DYNC1H1: variants seen among roughly 807,000 people sequenced by gnomAD.
DYNC1H1 encodes the protein cytoplasmic dynein 1 heavy chain 1.
In DYNC1H1, 51 loss-of-function variants were observed where a neutral mutation model predicts 527.1. That is an observed-to-expected ratio of 0.10 (90% CI 0.08 to 0.12). DYNC1H1 has a LOEUF of 0.12. Ranked by LOEUF, DYNC1H1 falls within the 10% of genes least tolerant of loss-of-function variation. The pLI, the probability that DYNC1H1 is intolerant of heterozygous loss-of-function variation, is 1.00. For synonymous variants in DYNC1H1, 2,189 were observed against 2,278.8 expected, an observed-to-expected ratio of 0.96 and a Z score of 1.12; for missense variants, 2,771 against 5,971.8, an observed-to-expected ratio of 0.46 and a Z score of 17.66.
In DYNC1H1 at chr14:102,048,003, T is replaced by G; in HGVS notation, c.13193T>G (p.Leu4398Arg). The G allele has an allele frequency of 6.2e-7, 1 of 1,611,850 alleles. No homozygotes were observed. Among genetic ancestry groups the G allele is most frequent in the Non-Finnish European group, 8.5e-7 (1 of 1,179,906 alleles). Residue 4398 changes from leucine (L) to arginine (R), a missense_variant, in exon 73 of 78, where the codon CTC becomes CGC. Physicochemically the swap from Leu to Arg is moderately radical, Grantham distance 102 (BLOSUM62 -2). Transcript: ENST00000360184. The stretch of plus-strand genomic sequence containing the variant: ...CTCATCCCCCAGACGCTGAGCCACC[T>G]CAAGCGCACCGTGGAGAATATCAAG... ...LHLIPQTLSH[L>R]KRTVENIKDP...
At chr14:102,034,924 TCA>T in intron 56 of DYNC1H1, 1 of 167,210 alleles carries the variant, frequency 6.0e-6, no homozygotes, top group South Asian at 8.4e-5. Context: ...AGAATCCATC[TCA>T]AAAAAAAAAA....
chr14:102,006,986 T>A (rs753578293), intron 27 of DYNC1H1, 22 bp from the exon 28 acceptor site: 1 of 1,610,176 alleles, frequency 6.2e-7, no homozygotes, highest in Non-Finnish European at 8.5e-7. Context: ...ACTCAAGCAC[T>A]CTGTTGCTTT....
rs769975935 is a variant in DYNC1H1, at chr14:101,997,387, C to T, written c.3804+113C>T. ...TGACTGAGCTTTCTAGTATTGAAGA[C>T]TCTTTTCCTTTTTGTAGTTAAAAAA... On this transcript the variant is annotated intron_variant, in intron 16 of 77. Coordinates refer to ENST00000360184, the MANE Select transcript of DYNC1H1 (RefSeq NM_001376.5). The surrounding 1 kb of genome is among the most constrained non-coding windows in gnomAD (Gnocchi z 4.8). The T allele has an allele frequency of 6.5e-7, 1 of 1,543,564 alleles. No individual in the cohort carries two copies. Among genetic ancestry groups the T allele is most frequent in the Non-Finnish European group, 8.8e-7 (1 of 1,140,174 alleles).
intron 4 of DYNC1H1, among the ~76,000 whole-genome samples, 185 bp downstream of exon 4, chr14:101,980,159 G>A (rs1282398804): frequency 6.6e-6 from 1 of 152,192 alleles, no homozygotes; most frequent in Non-Finnish European, 1.5e-5. Context: ...GGGACAGTGT[G>A]AGATTGCTTG....
intron 5 of DYNC1H1, among the ~76,000 whole-genome samples, chr14:101,981,610 C>A (rs544124574): frequency 6.6e-6 from 1 of 152,040 alleles, no homozygotes; most frequent in Non-Finnish European, 1.5e-5. Context: ...TCACTTCCCC[C>A]AAAAAACGTA....
chr14:102,000,191 A>G, intron 17 of DYNC1H1, 47 bp downstream of exon 17: 2 of 1,613,914 alleles, frequency 1.2e-6, no homozygotes, highest in Non-Finnish European at 1.7e-6. Context: ...CCCCACCCGG[A>G]CTCTGCCATT....
rs938461740 is a variant in DYNC1H1, at chr14:102,038,240, A to G, written c.10909-220A>G. The G allele has an allele frequency of 6.8e-5, 46 of 672,056 alleles. No individual in the cohort carries two copies. The highest frequency in any genetic ancestry group is 1.1e-4 in the Non-Finnish European group (42 of 397,360). The allele number at this position is 672,056 out of a possible 1,614,324, so 41.6% of individuals were successfully genotyped here. A position where few individuals can be genotyped will look rare whatever the true frequency, so the allele number is the denominator to read the frequency against. On this transcript the variant is annotated intron_variant, in intron 57 of 77. Transcript: ENST00000360184. The surrounding 1 kb of genome is among the most constrained non-coding windows in gnomAD (Gnocchi z 7.2). ...GTGATCTGCCTGCCTCAGCCTCCCA[A>G]AGTGCTGGAATTACAGGCGTGAGCC...
intron 72 of DYNC1H1, chr14:102,045,170 G>T: frequency 4.5e-6 from 1 of 224,678 alleles, no homozygotes; most frequent in Non-Finnish European, 9.0e-6. Flanking sequence ...GAGCATGGTG[G>T]CAGGCACCTG....
rs759214557 is a variant in DYNC1H1 at position 102,044,515 on chromosome 14, G to A, written c.12902+24G>A. On this transcript the variant is annotated intron_variant, in intron 71 of 77. Transcript: ENST00000360184. The surrounding 1 kb of genome is among the most constrained non-coding windows in gnomAD (Gnocchi z 7.1). ...AGGTATGCTGCTGCCTGCTGGAATG[G>A]AGACAGTTGTGATGTCAGGGCGTCT... is the stretch of plus-strand genomic sequence containing the variant. 1.2e-6 allele frequency: 2 copies of A among 1,614,158 alleles called. No individual in the cohort carries two copies. Among genetic ancestry groups the A allele is most frequent in the South Asian group, 2.2e-5 (2 of 91,070 alleles).
chr14:102,027,110 A>G lies in DYNC1H1; in HGVS notation c.8772-64A>G. 2 of 1,514,290 alleles carry G rather than the reference A, an allele frequency of 1.3e-6. No homozygotes were observed. The highest frequency in any genetic ancestry group is 1.1e-5 in the South Asian group (1 of 89,024). The allele number at this position is 1,514,290 out of a possible 1,614,324, so 93.8% of individuals were successfully genotyped here. A position where few individuals can be genotyped will look rare whatever the true frequency, so the allele number is the denominator to read the frequency against. On this transcript the variant is annotated intron_variant, in intron 44 of 77. Coordinates refer to ENST00000360184, the MANE Select transcript of DYNC1H1 (RefSeq NM_001376.5). This position sits in a 1 kb window ranked among gnomAD's most constrained non-coding sequence, Gnocchi z 7.7. ...GTCCAAAATACTGTAGACACTAGAT[A>G]TGAGTCAAAAGGGGAATGAGGCATT...
In DYNC1H1 at chr14:102,010,125, A is replaced by G. The variant is rs747824947; in HGVS notation, c.6221+39A>G. 2.5e-6 allele frequency: 4 copies of G among 1,613,232 alleles called. No homozygotes were observed. Among genetic ancestry groups the G allele is most frequent in the African/African-American group, 1.3e-5 (1 of 74,952 alleles). On this transcript the variant is annotated intron_variant, in intron 30 of 77. Coordinates refer to ENST00000360184, the MANE Select transcript of DYNC1H1 (RefSeq NM_001376.5). The surrounding 1 kb of genome is among the most constrained non-coding windows in gnomAD (Gnocchi z 6.0). ...AATTCTTCATAATCATGTTTCTTGCATATGTTAAATGTGTCCATTTAACCT... is the reference window on the plus strand; with the variant it reads ...AATTCTTCATAATCATGTTTCTTGCGTATGTTAAATGTGTCCATTTAACCT...
Position 102,033,877 on chromosome 14 carries a change from C to T in DYNC1H1, c.10414-99C>T. ...CAACTTGGGCACGTTTCTAACCCAC[C>T]CAAAACCCTGCACATAATGTGGATG... On this transcript the variant is annotated intron_variant, in intron 54 of 77. Transcript: ENST00000360184. The surrounding 1 kb of genome is among the most constrained non-coding windows in gnomAD (Gnocchi z 5.6). The T allele has an allele frequency of 7.2e-7, 1 of 1,392,268 alleles. No homozygotes were observed. The highest frequency in any genetic ancestry group is 1.9e-4 in the Middle Eastern group (1 of 5,148). 86.2% of individuals were successfully genotyped at this position (1,392,268 alleles called of 1,614,324 possible).
chr14:102,021,656 C>CTTTTTTTTTTTTTT (rs757880988), intron 42 of DYNC1H1, among the ~76,000 whole-genome samples: 31 of 119,824 alleles, frequency 2.6e-4, no homozygotes, highest in South Asian at 5.7e-4. Context: ...TTTTCTTTTT[C>CTTTTTTTTTTTTTT]TTTTTTTTTT....
intron 69 of DYNC1H1, 21 bp from the exon 70 acceptor site, chr14:102,043,854 C>T (rs946656162): frequency 1.6e-5 from 26 of 1,614,170 alleles, no homozygotes; most frequent in East Asian, 2.2e-5. Flanking sequence ...TGACTCTGTG[C>T]TTGGTCACTT....
At position 102,033,752 on chromosome 14, in the gene DYNC1H1, G is replaced by C; in HGVS notation, c.10414-224G>C. The C allele has an allele frequency of 1.5e-6, 1 of 680,524 alleles. No individual in the cohort carries two copies. Among genetic ancestry groups the C allele is most frequent in the Non-Finnish European group, 2.5e-6 (1 of 398,720 alleles). 42.2% of individuals were successfully genotyped at this position (680,524 alleles called of 1,614,324 possible). ...AGACCTGTTTGCTCTGCTGCCTGAG[G>C]GCCTCGCTCCGTACCCAGCTTCTGC... On this transcript the variant is annotated intron_variant, in intron 54 of 77. Coordinates refer to ENST00000360184, the MANE Select transcript of DYNC1H1 (RefSeq NM_001376.5). The surrounding 1 kb of genome is among the most constrained non-coding windows in gnomAD (Gnocchi z 5.6).
At chr14:101,975,971 G>A (rs545617774) in intron 2 of DYNC1H1, among the ~76,000 whole-genome samples, 172 bp downstream of exon 2, 7 of 150,790 alleles carry the variant, frequency 4.6e-5, no homozygotes, top group Non-Finnish European at 8.9e-5. Context: ...ACAATGGCGC[G>A]ATCTCGGCTC....
chr14:102,032,482 G>A lies in DYNC1H1; in HGVS notation c.10079+15G>A, dbSNP rs766060724. 9 of 1,613,904 alleles carry A rather than the reference G, an allele frequency of 5.6e-6. No homozygotes were observed. Among genetic ancestry groups the A allele is most frequent in the Non-Finnish European group, 7.6e-6 (9 of 1,180,036 alleles). ...GAGGAGATCAGGTGAGAAAGTGGAA[G>A]TGCCAAGGTATTGCCAGAAATTGAA... is the stretch of plus-strand genomic sequence containing the variant. On this transcript the variant is annotated intron_variant, in intron 52 of 77. Coordinates refer to ENST00000360184, the MANE Select transcript of DYNC1H1 (RefSeq NM_001376.5).
chr14:102,004,114 G>T (rs901415172), intron 23 of DYNC1H1, among the ~76,000 whole-genome samples: 1 of 151,700 alleles, frequency 6.6e-6, no homozygotes, highest in Non-Finnish European at 1.5e-5. Context: ...CGTGGTGGTG[G>T]GCGCCTGTAG....
chr14:102,027,309 C>G lies in DYNC1H1; in HGVS notation c.8886+21C>G, dbSNP rs771100726. ...TTAAGGTGCGTCTGGTCGGTGGCCT[C>G]TTAATCCCAGCAACAGATGTGTGTG... On this transcript the variant is annotated intron_variant, in intron 45 of 77. Coordinates refer to ENST00000360184, the MANE Select transcript of DYNC1H1 (RefSeq NM_001376.5). This position sits in a 1 kb window ranked among gnomAD's most constrained non-coding sequence, Gnocchi z 7.7. 6.2e-7 allele frequency: 1 copy of G among 1,613,980 alleles called. No individual in the cohort carries two copies. Among genetic ancestry groups the G allele is most frequent in the Non-Finnish European group, 8.5e-7 (1 of 1,180,030 alleles).
Sources: gnomAD v4.1 joint callset for allele counts (sites outside exome capture counted in the v4.1 genomes callset) on GRCh38, gnomAD v4.1.1 for gene constraint, Gnocchi (gnomAD v3.1) non-coding constraint, MANE v1.5 for transcripts, NCBI Gene and HGNC (gene_info 2026-07-23, HGNC 2026-07-21) for gene names.